Variants in CFAP65 observed in about 807,000 individuals in gnomAD.
CFAP65 encodes the protein cilia- and flagella-associated protein 65.
A neutral mutation model predicts 208.0 loss-of-function variants in CFAP65; 155 were observed. That is an observed-to-expected ratio of 0.75 (90% CI 0.65 to 0.85). The LOEUF (loss-of-function observed/expected upper bound fraction) is 0.85. CFAP65 is among the 40% of genes least tolerant of loss of function. The probability of loss-of-function intolerance (pLI) is 0.00; values close to 1 mark genes in which losing one functional copy is unlikely to be tolerated. For synonymous variants in CFAP65, 970 were observed against 986.3 expected (o/e 0.98, Z 0.31); for missense variants, 2,294 against 2,451.3 (o/e 0.94, Z 1.36).
Position 219,019,142 on chromosome 2 carries a change from G to T in CFAP65, c.3511C>A (p.Leu1171Ile). 1 of 1,614,148 alleles carries T rather than the reference G, an allele frequency of 6.2e-7. No individual in the cohort carries two copies. The highest frequency in any genetic ancestry group is 8.5e-7 in the Non-Finnish European group (1 of 1,180,002). The change falls in exon 21 of 35, where the codon CTT becomes ATT. Residue 1171 changes from leucine (L) to isoleucine (I), a missense_variant. Coordinates refer to ENST00000341552, the MANE Select transcript of CFAP65 (RefSeq NM_194302.4). ...QIPPVLTPLR[L>I]DFNFGAAPFK... ...GGTGCGGCCCCGAAATTGAAGTCAA[G>T]CCTTAAAGGGGTGAGGACGGGGGGG...
chr2:219,019,816 C>A, intron 19 of CFAP65, 97 bp from the exon 20 acceptor site: 1 of 929,820 alleles, frequency 1.1e-6, no homozygotes. Context: ...GGGCAGTTGG[C>A]CCCAGGACCC....
At chr2:219,021,970 C>T in intron 17 of CFAP65, 40 bp from the exon 18 acceptor site, 1 of 1,609,490 alleles carries the variant, frequency 6.2e-7, no homozygotes, top group African/African-American at 1.3e-5. Context: ...GGGAGCTCCT[C>T]CAGGCCCACA....
intron 11 of CFAP65, 141 bp from the exon 12 acceptor site, chr2:219,028,542 A>G (rs1163238714): frequency 7.0e-6 from 5 of 709,460 alleles, no homozygotes; most frequent in African/African-American, 3.5e-5. Flanking sequence ...CCAGTGAGCA[A>G]GCACTCAGCA....
Position 219,013,012 on chromosome 2 carries a change from GA to G in CFAP65, c.3957+246del, listed in dbSNP as rs368355063. Among the ~76,000 whole-genome samples, 708 of 151,326 alleles carry G rather than the reference GA, an allele frequency of 4.7e-3. 9 individuals carry two copies. Among genetic ancestry groups the G allele is most frequent in the African/African-American group, 0.016 (653 of 41,280 alleles). On this transcript the variant is annotated intron_variant, in intron 24 of 34. Coordinates refer to ENST00000341552, the MANE Select transcript of CFAP65 (RefSeq NM_194302.4). ...AAGTTTGAAGAACATTTTGCTAAAG[GA>G]AAAAAAAATCCTCATTTTTTAATTG...
At position 219,027,816 on chromosome 2, in the gene CFAP65, C is replaced by T. The variant is rs773889816; in HGVS notation, c.2045G>A (p.Gly682Asp). ...TCGCGTCCAGACCACCATGATCTTG[C>T]CCTTGGTGTGGTTCATCAGGCACAG... ...VPLCLMNHTK[G>D]KIMVVWTRRS... Residue 682 changes from glycine (G) to aspartate (D), a missense_variant, in exon 13 of 35, where the codon GGC becomes GAC. Gly to Asp is a moderately conservative substitution (Grantham distance 94). This residue lies in a region of CFAP65 where 867 missense variants were observed against 1,012.6 expected (regional missense o/e 0.86). Transcript: ENST00000341552. 6.2e-7 allele frequency: 1 copy of T among 1,608,426 alleles called. No homozygotes were observed. The highest frequency in any genetic ancestry group is 1.1e-5 in the South Asian group (1 of 90,368).
At chr2:219,013,494 C>A in intron 23 of CFAP65, 25 bp downstream of exon 23, 2 of 1,587,548 alleles carry the variant, frequency 1.3e-6, no homozygotes, top group Admixed American at 1.9e-5. Flanking sequence ...GAAACTAGGG[C>A]AGGGCCAGTG....
chr2:219,009,874 A>G, intron 27 of CFAP65, 68 bp downstream of exon 27: 1 of 1,379,982 alleles, frequency 7.2e-7, no homozygotes, highest in African/African-American at 1.6e-5. Context: ...GTGGTATGGG[A>G]TGGGGTCAGG....
chr2:219,009,296 G>A (rs758622552), intron 28 of CFAP65, 51 bp downstream of exon 28: 2 of 1,489,440 alleles, frequency 1.3e-6, no homozygotes, highest in Non-Finnish European at 1.9e-6. Flanking sequence ...CCCCACCCCA[G>A]CATTGGGAGC....
At chr2:219,026,254 G>T in intron 13 of CFAP65, 95 bp from the exon 14 acceptor site, 3 of 1,364,408 alleles carry the variant, frequency 2.2e-6, no homozygotes, top group Non-Finnish European at 2.0e-6. Flanking sequence ...TGCTGCAGGA[G>T]TCTGACATTG....
chr2:219,035,620 C>A lies in CFAP65; in HGVS notation c.402G>T (p.Gln134His). The part of the protein sequence containing the change: ...MDTQMHSPKK[Q>H]ERVNKRVIWG... ...AGATGACCCTCTTGTTCACTCTCTCCTGCTTCTTTGGGGAGTGCATCTGAG... is the reference window on the plus strand; with the variant it reads ...AGATGACCCTCTTGTTCACTCTCTCATGCTTCTTTGGGGAGTGCATCTGAG... Residue 134 changes from glutamine (Q) to histidine (H), a missense_variant, in exon 5 of 35, where the codon CAG becomes CAT. This residue lies in a region of CFAP65 where 867 missense variants were observed against 1,012.6 expected (regional missense o/e 0.86). Transcript: ENST00000341552. The A allele has an allele frequency of 6.2e-7, 1 of 1,614,084 alleles. No homozygotes were observed. Among genetic ancestry groups the A allele is most frequent in the Middle Eastern group, 1.6e-4 (1 of 6,062 alleles).
intron 29 of CFAP65, 46 bp from the exon 30 acceptor site, chr2:219,006,555 CG>C (rs1946006242): frequency 1.3e-6 from 2 of 1,596,410 alleles, no homozygotes; most frequent in South Asian, 1.1e-5. Context: ...GAGGCCCGGC[CG>C]GGGGTGGTGC....
chr2:219,031,141 C>G lies in CFAP65; in HGVS notation c.980G>C (p.Ser327Thr), dbSNP rs1208562052. The G allele has an allele frequency of 6.2e-7, 1 of 1,602,500 alleles. No individual in the cohort carries two copies. Among genetic ancestry groups the G allele is most frequent in the Non-Finnish European group, 8.5e-7 (1 of 1,174,808 alleles). Residue 327 changes from serine to threonine, a missense_variant, in exon 8 of 35, where the codon AGC becomes ACC. Transcript: ENST00000341552. The surrounding 1 kb of genome is among the most constrained non-coding windows in gnomAD (Gnocchi z 5.2). ...CAGCTGGATGCTGCTCCTCTGCCGGCTGCCCGCCCCGTACCAGCACGTGGC... is the reference window on the plus strand; with the variant it reads ...CAGCTGGATGCTGCTCCTCTGCCGGGTGCCCGCCCCGTACCAGCACGTGGC... Reference protein sequence around the residue: ...VQATCWYGAGSRQRSSIQLQA... With the variant: ...VQATCWYGAGTRQRSSIQLQA...
chr2:219,039,959 A>T (rs958134151), intron 2 of CFAP65, among the ~76,000 whole-genome samples: 5 of 152,222 alleles, frequency 3.3e-5, no homozygotes, highest in African/African-American at 1.2e-4. Context: ...AATGTCTATT[A>T]ACATGTACTG....
At chr2:219,013,841 G>T in intron 22 of CFAP65, 27 bp downstream of exon 22, 1 of 1,557,826 alleles carries the variant, frequency 6.4e-7, no homozygotes, top group Non-Finnish European at 8.7e-7. Context: ...GACTGGAAGT[G>T]CAGGGGGTTT....
At position 219,031,925 on chromosome 2, in the gene CFAP65, CTTTTT is replaced by C. The variant is rs5838715; in HGVS notation, c.646-272_646-268del. On this transcript the variant is annotated intron_variant, in intron 6 of 34. Coordinates refer to ENST00000341552, the MANE Select transcript of CFAP65 (RefSeq NM_194302.4). This position sits in a 1 kb window ranked among gnomAD's most constrained non-coding sequence, Gnocchi z 5.2. ...ATGTAGAAGGGGTTTCTTTTCTTTT[CTTTTT>C]TTTTTTTTTTTTTTGAGTCTCGCTC... Among the ~76,000 whole-genome samples, 44 of 131,368 alleles carry C rather than the reference CTTTTT, an allele frequency of 3.3e-4. No homozygotes were observed. Among genetic ancestry groups the C allele is most frequent in the African/African-American group, 4.8e-4 (17 of 35,516 alleles). 86.2% of individuals were successfully genotyped at this position (131,368 alleles called of 152,430 possible). A position where few individuals can be genotyped will look rare whatever the true frequency, so the allele number is the denominator to read the frequency against.
intron 26 of CFAP65, 68 bp downstream of exon 26, chr2:219,010,470 ATCCTTCTG>A: frequency 2.0e-6 from 3 of 1,491,532 alleles, no homozygotes; most frequent in Non-Finnish European, 2.7e-6. Flanking sequence ...CAGCCTCCCC[ATCCTTCTG>A]TCTGGCCACC....
In CFAP65 at chr2:219,013,850, T is replaced by C; in HGVS notation, c.3779+18A>G. 1 of 1,569,388 alleles carries C rather than the reference T, an allele frequency of 6.4e-7. No homozygotes were observed. Among genetic ancestry groups the C allele is most frequent in the Non-Finnish European group, 8.7e-7 (1 of 1,156,032 alleles). On this transcript the variant is annotated intron_variant, in intron 22 of 34. Transcript: ENST00000341552. ...CTCTATGACTGGAAGTGCAGGGGGT[T>C]TGGGGGGTGGGGAACACCTGTATTT... is the stretch of plus-strand genomic sequence containing the variant.
chr2:219,010,815 T>C lies in CFAP65; in HGVS notation c.4139A>G (p.Lys1380Arg), dbSNP rs1409077947. Residue 1380 changes from lysine to arginine, a missense_variant, in exon 25 of 35, where the codon AAG (lysine) becomes AGG (arginine). By Grantham distance (26) the Lys-to-Arg change is conservative. This residue lies in a region of CFAP65 where 1,427 missense variants were observed against 1,438.7 expected (regional missense o/e 0.99). Transcript: ENST00000341552. ...VLWIFSPIEA[K>R]TYTVDVPIHI... ...CAGGTTGCTGCTCACCGTGTAGGTC[T>C]TGGCCTCGATAGGTGAGAAGATCCA... 1 of 1,607,930 alleles carries C rather than the reference T, an allele frequency of 6.2e-7. No homozygotes were observed. The highest frequency in any genetic ancestry group is 1.3e-5 in the African/African-American group (1 of 74,822).
At position 219,026,154 on chromosome 2, in the gene CFAP65, C is replaced by T. The variant is rs750052742; in HGVS notation, c.2217G>A (p.Leu739=). ...ELEAFAIYKV[L]QSYSNIEEDC... ...CCTCCTCAATATTACTGTAGCTCTGCAGGACCTGCAGAGGGGCCAGACCCA... is the reference window on the plus strand; with the variant it reads ...CCTCCTCAATATTACTGTAGCTCTGTAGGACCTGCAGAGGGGCCAGACCCA... Residue 739 remains leucine, a synonymous_variant, in exon 14 of 35, where the codon CTG becomes CTA. Coordinates refer to ENST00000341552, the MANE Select transcript of CFAP65 (RefSeq NM_194302.4). The T allele has an allele frequency of 1.2e-6, 2 of 1,610,434 alleles. No individual in the cohort carries two copies. Among genetic ancestry groups the T allele is most frequent in the Non-Finnish European group, 1.7e-6 (2 of 1,177,344 alleles).
Sources: allele counts gnomAD v4.1 joint callset (sites outside exome capture counted in the v4.1 genomes callset), GRCh38; gene constraint gnomAD v4.1.1; regional missense constraint gnomAD v4.1.1; non-coding constraint Gnocchi (gnomAD v3.1); transcripts MANE v1.5; gene names NCBI Gene and HGNC (gene_info 2026-07-23, HGNC 2026-07-21).